The following TTLL5 variants were observed in gnomAD, a reference collection of about 807,000 sequenced individuals.
TTLL5 encodes the protein tubulin polyglutamylase TTLL5.
TTLL5 carries 132 observed loss-of-function variants against 168.4 expected under a neutral mutation model. The ratio of observed to expected loss-of-function variants is 0.78; its 90% CI spans 0.68 to 0.91. The LOEUF (loss-of-function observed/expected upper bound fraction) is 0.91, where lower values mean the gene tolerates loss of function less well. TTLL5 is among the 40% of genes least tolerant of loss of function. TTLL5 has a pLI of 0.00. For synonymous variants in TTLL5, 546 were observed against 558.6 expected (o/e 0.98, Z 0.32); for missense variants, 1,545 against 1,581.5 (o/e 0.98, Z 0.39).
At chr14:75,671,549 C>T (rs1045843929) in intron 3 of TTLL5, among the ~76,000 whole-genome samples, 3 of 152,074 alleles carry the variant, frequency 2.0e-5, no homozygotes, top group African/African-American at 7.2e-5. Flanking sequence ...TTTTGGGCTT[C>T]TTTAATTTCT....
chr14:75,791,272 G>A (rs1307837134), intron 26 of TTLL5, among the ~76,000 whole-genome samples: 2 of 152,078 alleles, frequency 1.3e-5, no homozygotes, highest in Non-Finnish European at 2.9e-5. Flanking sequence ...GTTTATAATG[G>A]CAATATGCTT....
Position 75,764,702 on chromosome 14 carries a change from C to T in TTLL5, c.1638C>T (p.Leu546=). ...KLHAALYERK[L]LSLEVRKRRR... is the part of the protein sequence containing the mutation. ...ATGCTGCACTTTACGAGAGGAAGCT[C>T]CTGTCTCTGGAGGTGCGAAAACGTA... Residue 546 remains leucine, a synonymous_variant, in exon 19 of 32, where the codon CTC becomes CTT. Coordinates refer to ENST00000298832, the MANE Select transcript of TTLL5 (RefSeq NM_015072.5). The T allele has an allele frequency of 6.2e-7, 1 of 1,614,146 alleles. No homozygotes were observed. The highest frequency in any genetic ancestry group is 8.5e-7 in the Non-Finnish European group (1 of 1,180,004).
At chr14:75,873,631 A>G (rs768214587) in intron 29 of TTLL5, among the ~76,000 whole-genome samples, 5 of 152,092 alleles carry the variant, frequency 3.3e-5, no homozygotes, top group African/African-American at 7.2e-5. Context: ...GTATACACAT[A>G]TACATACCAT....
At chr14:75,948,631 A>G (rs1411299469) in intron 31 of TTLL5, among the ~76,000 whole-genome samples, 1 of 152,172 alleles carries the variant, frequency 6.6e-6, no homozygotes, top group African/African-American at 2.4e-5. Context: ...TGGTTTAAGA[A>G]GTTAAAAAAA....
intron 31 of TTLL5, among the ~76,000 whole-genome samples, chr14:75,929,652 C>A (rs1272338821): frequency 6.6e-6 from 1 of 152,006 alleles, no homozygotes; most frequent in Admixed American, 6.6e-5. Flanking sequence ...AGGGTTTCGC[C>A]ATGTTGGCCA....
intron 15 of TTLL5, among the ~76,000 whole-genome samples, chr14:75,738,931 A>G (rs370334341): frequency 3.6e-4 from 54 of 152,038 alleles, no homozygotes; most frequent in African/African-American, 1.3e-3. Context: ...TGGCCTCCTG[A>G]TTAGCTGGGA....
chr14:75,666,843 T>C (rs549046915), intron 2 of TTLL5, among the ~76,000 whole-genome samples: 1 of 152,338 alleles, frequency 6.6e-6, no homozygotes, highest in South Asian at 2.1e-4. Context: ...CAAAATGTTT[T>C]TAGGCTTTCA....
At chr14:75,798,026 A>G (rs896874982) in intron 27 of TTLL5, among the ~76,000 whole-genome samples, 10 of 151,896 alleles carry the variant, frequency 6.6e-5, no homozygotes, top group African/African-American at 2.4e-4. Flanking sequence ...GATTCGTCTA[A>G]TTCTTCTTGA....
At chr14:75,811,599 C>G (rs907277309) in intron 27 of TTLL5, among the ~76,000 whole-genome samples, 89 of 152,106 alleles carry the variant, frequency 5.9e-4, no homozygotes, top group African/African-American at 2.1e-3. Flanking sequence ...GGCTTGAGGG[C>G]AGGGAAGGGC....
intron 31 of TTLL5, among the ~76,000 whole-genome samples, chr14:75,949,758 G>A (rs748968675): frequency 2.0e-5 from 3 of 151,648 alleles, no homozygotes; most frequent in East Asian, 3.9e-4. Flanking sequence ...ACTGAGGCAC[G>A]AGAATCGCTT....
rs547458709 is a variant in TTLL5, at chr14:75,830,110, C to T, written c.3326+9949C>T. On this transcript the variant is annotated intron_variant, in intron 28 of 31. Transcript: ENST00000298832. The stretch of plus-strand genomic sequence containing the variant: ...AGGCTTCTACCTCTCAAGTCTGAGT[C>T]TTTCTAATTTGTTTTCTGTATTCTA... Among the ~76,000 whole-genome samples the T allele has an allele frequency of 2.4e-4, 37 of 152,284 alleles. No homozygotes were observed. The South Asian group carries it at 7.7e-3, about 32-fold the overall frequency.
intron 5 of TTLL5, among the ~76,000 whole-genome samples, chr14:75,688,877 T>A (rs1014749474): frequency 6.6e-6 from 1 of 152,218 alleles, no homozygotes; most frequent in Non-Finnish European, 1.5e-5. Context: ...TTCCTCAGAA[T>A]AACCATTTGG....
chr14:75,879,049 T>C (rs1187930826), intron 29 of TTLL5, among the ~76,000 whole-genome samples: 1 of 152,214 alleles, frequency 6.6e-6, no homozygotes, highest in African/African-American at 2.4e-5. Flanking sequence ...ATTTTTTCCA[T>C]TTATTAAGCA....
Position 75,867,089 on chromosome 14 carries a change from A to AT in TTLL5, c.3522+3231dup, listed in dbSNP as rs2030580892. Among the ~76,000 whole-genome samples, 6 of 152,332 alleles carry AT rather than the reference A, an allele frequency of 3.9e-5. No homozygotes were observed. In the South Asian group the frequency reaches 1.2e-3, roughly 32 times the overall value. On this transcript the variant is annotated intron_variant, in intron 29 of 31. Coordinates refer to ENST00000298832, the MANE Select transcript of TTLL5 (RefSeq NM_015072.5). ...TTCTGTAAATAGCCAGATAGTAAAT[A>AT]TTTTAGGCTTTGCAGGCCATAGCAT... is the stretch of plus-strand genomic sequence containing the variant.
chr14:75,684,377 G>T (rs1010716940), intron 5 of TTLL5: 4 of 152,010 alleles, frequency 2.6e-5, no homozygotes, highest in African/African-American at 9.7e-5. Context: ...CCAAAGAAAG[G>T]TAGAAAAAAA....
intron 12 of TTLL5, among the ~76,000 whole-genome samples, chr14:75,728,759 A>C (rs146320317): frequency 6.6e-6 from 1 of 152,144 alleles, no homozygotes; most frequent in Non-Finnish European, 1.5e-5. Flanking sequence ...TTGAGAAGGA[A>C]GGAGACCTGA....
intron 28 of TTLL5, among the ~76,000 whole-genome samples, chr14:75,832,332 A>G (rs1895615834): frequency 6.6e-6 from 1 of 152,148 alleles, no homozygotes; most frequent in Non-Finnish European, 1.5e-5. Flanking sequence ...TATCCAGTCT[A>G]CAGTCACCTG....
intron 27 of TTLL5, among the ~76,000 whole-genome samples, chr14:75,811,165 G>A (rs866257315): frequency 7.1e-6 from 1 of 140,932 alleles, no homozygotes; most frequent in African/African-American, 2.8e-5. Flanking sequence ...GAGTGTGTGT[G>A]TGTGTGTGTG....
intron 31 of TTLL5, among the ~76,000 whole-genome samples, chr14:75,938,896 A>G (rs956440896): frequency 2.0e-5 from 3 of 152,182 alleles, no homozygotes; most frequent in Non-Finnish European, 4.4e-5. Context: ...GAACTAGTAA[A>G]GAGCTTGATT....
Sources: gnomAD v4.1 joint callset for allele counts (sites outside exome capture counted in the v4.1 genomes callset) on GRCh38, gnomAD v4.1.1 for gene constraint, MANE v1.5 for transcripts, NCBI Gene and HGNC (gene_info 2026-07-23, HGNC 2026-07-21) for gene names.